Variants in DNAJC10 observed in about 807,000 individuals in gnomAD.
DNAJC10 encodes the protein DnaJ heat shock protein family (Hsp40) member C10, also known as endoplasmic reticulum disulfide reductase DNAJC10.
A neutral mutation model predicts 115.0 loss-of-function variants in DNAJC10; 101 were observed. The observed-to-expected ratio is 0.88, with a 90% CI of 0.75 to 1.04. The LOEUF (loss-of-function observed/expected upper bound fraction) is 1.04. DNAJC10 is among the 50% of genes least tolerant of loss of function. DNAJC10 has a pLI of 0.00. For missense variants in DNAJC10, 981 were observed against 928.8 expected, an observed-to-expected ratio of 1.06 and a Z score of -0.73; for synonymous variants, 307 against 301.5, an observed-to-expected ratio of 1.02 and a Z score of -0.19.
At chr2:182,724,120 A>G (rs765108089) in intron 5 of DNAJC10, among the ~76,000 whole-genome samples, 3 of 152,236 alleles carry the variant, frequency 2.0e-5, no homozygotes, top group Non-Finnish European at 4.4e-5. Flanking sequence ...CTGAAAGAAT[A>G]AAATAAGAGA....
rs1021628012 is a variant in DNAJC10, at chr2:182,782,096, C to CT, written c.*4967dup. The CT allele has an allele frequency of 2.0e-5, 3 of 152,130 alleles. No homozygotes were observed. Among genetic ancestry groups the CT allele is most frequent in the African/African-American group, 7.2e-5 (3 of 41,430 alleles). The allele number at this position is 152,130 out of a possible 1,614,324, so 9.4% of individuals were successfully genotyped here. ...ATGGTTTCAGACCTTACATTTAAGTCTTTAATCTATCAACTTAATTTTTAT... is the reference window on the plus strand; with the variant it reads ...ATGGTTTCAGACCTTACATTTAAGTCTTTTAATCTATCAACTTAATTTTTAT... On this transcript the variant is annotated 3_prime_UTR_variant, in exon 24 of 24. Transcript: ENST00000264065.
rs368091239 is a variant in DNAJC10 at position 182,752,022 on chromosome 2, G to T, written c.1435-50G>T. 9.5e-5 allele frequency: 139 copies of T among 1,455,670 alleles called. No individual in the cohort carries two copies. In the African/African-American group the frequency reaches 1.7e-3, roughly 18 times the overall value. 90.2% of individuals were successfully genotyped at this position (1,455,670 alleles called of 1,614,324 possible). On this transcript the variant is annotated intron_variant, in intron 15 of 23. Transcript: ENST00000264065. ...TACTTGTTGCAGAAATGATGGGGGGGTTTTTTGTGTCATTTGGCTCGGTGC... is the reference window on the plus strand; with the variant it reads ...TACTTGTTGCAGAAATGATGGGGGGTTTTTTTGTGTCATTTGGCTCGGTGC...
At chr2:182,743,099 A>G (rs1042679852) in intron 13 of DNAJC10, among the ~76,000 whole-genome samples, 1 of 152,078 alleles carries the variant, frequency 6.6e-6, no homozygotes, top group African/African-American at 2.4e-5. Flanking sequence ...CAGCTACCTC[A>G]GCCTCCCCAA....
chr2:182,761,594 G>T (rs1694286340), intron 21 of DNAJC10, among the ~76,000 whole-genome samples: 1 of 152,090 alleles, frequency 6.6e-6, no homozygotes, highest in Non-Finnish European at 1.5e-5. Flanking sequence ...GAATAAATAG[G>T]ATTGAATGTG....
Position 182,741,261 on chromosome 2 carries a change from C to T in DNAJC10, c.1096C>T (p.Arg366Trp), listed in dbSNP as rs758085550. Residue 366 changes from arginine (R) to tryptophan (W), a missense_variant, in exon 13 of 24, where the codon CGG becomes TGG. Arg to Trp is a moderately radical substitution (Grantham distance 101, BLOSUM62 -3). Coordinates refer to ENST00000264065, the MANE Select transcript of DNAJC10 (RefSeq NM_018981.4). ...TTTTAAGGATCGTTTGGCTCATCAT[C>T]GGTGGCTGTTATTTTTTCATTTTGG... ...NTLEDRLAHH[R>W]WLLFFHFGKN... The T allele has an allele frequency of 7.5e-6, 12 of 1,601,234 alleles. No individual in the cohort carries two copies. The highest frequency in any genetic ancestry group is 6.8e-5 in the East Asian group (3 of 44,088).
chr2:182,733,688 A>ATTTT (rs10642468), intron 10 of DNAJC10, among the ~76,000 whole-genome samples: 1,368 of 133,978 alleles, frequency 0.01, 55 homozygotes, highest in African/African-American at 0.022. Context: ...TTCTTTCTCA[A>ATTTT]TTTTTTTTTT....
At position 182,740,373 on chromosome 2, in the gene DNAJC10, G is replaced by T; in HGVS notation, c.1062G>T (p.Ser354=). The T allele has an allele frequency of 6.4e-7, 1 of 1,571,702 alleles. No individual in the cohort carries two copies. The highest frequency in any genetic ancestry group is 1.3e-5 in the South Asian group (1 of 79,818). The part of the protein sequence containing the change: ...IHNLPDFELL[S]ANTLEDRLAH... The stretch of plus-strand genomic sequence containing the variant: ...ATCTTCCAGATTTTGAACTACTTTC[G>T]GCAAACACACTAGAGGTAATGTTTT... The change falls in exon 12 of 24, where the codon TCG becomes TCT. Residue 354 remains serine, a synonymous_variant. Transcript: ENST00000264065.
intron 5 of DNAJC10, among the ~76,000 whole-genome samples, chr2:182,728,364 T>A (rs1367512398): frequency 6.6e-6 from 1 of 152,178 alleles, no homozygotes; most frequent in East Asian, 1.9e-4. Context: ...GGTTTGACAT[T>A]TGAAATGTTT....
rs1249249920 is a variant in DNAJC10 at position 182,751,909 on chromosome 2, A to G, written c.1434+124A>G. On this transcript the variant is annotated intron_variant, in intron 15 of 23. Coordinates refer to ENST00000264065, the MANE Select transcript of DNAJC10 (RefSeq NM_018981.4). ...ACTGTGTCATTCCATTATGGCCACT[A>G]ATGCATATTGCTTTTAAATGAGTGC... 1.6e-5 allele frequency: 21 copies of G among 1,305,050 alleles called. 1 individual carries two copies. Among genetic ancestry groups the G allele is most frequent in the Non-Finnish European group, 2.1e-5 (20 of 935,958 alleles). The allele number at this position is 1,305,050 out of a possible 1,614,324, so 80.8% of individuals were successfully genotyped here.
chr2:182,732,042 T>G (rs1693460501), intron 9 of DNAJC10, among the ~76,000 whole-genome samples: 1 of 152,128 alleles, frequency 6.6e-6, no homozygotes. Context: ...TCTCATTGTA[T>G]TCTAGTGTTC....
At chr2:182,740,100 A>G in intron 11 of DNAJC10, 199 bp from the exon 12 acceptor site, 1 of 1,081,500 alleles carries the variant, frequency 9.2e-7, no homozygotes, top group East Asian at 5.0e-5. Context: ...TATTTAAGAA[A>G]CAGCTTAGTT....
chr2:182,737,259 C>T (rs1300909707), intron 11 of DNAJC10, among the ~76,000 whole-genome samples: 5 of 152,124 alleles, frequency 3.3e-5, no homozygotes, highest in Non-Finnish European at 5.9e-5. Context: ...TTGGATGGGT[C>T]ACTACGGAAT....
chr2:182,751,387 G>A (rs1031572695), intron 14 of DNAJC10, among the ~76,000 whole-genome samples: 14 of 151,896 alleles, frequency 9.2e-5, no homozygotes, highest in African/African-American at 3.1e-4. Flanking sequence ...GCCCACCTCG[G>A]CCTCTCAAAG....
At position 182,728,972 on chromosome 2, in the gene DNAJC10, T is replaced by A. The variant is rs1191402715; in HGVS notation, c.611T>A (p.Leu204His). The change falls in exon 7 of 24, where the codon CTC (leucine) becomes CAC (histidine). Residue 204 changes from leucine (L) to histidine (H), a missense_variant. Physicochemically the swap from Leu to His is moderately conservative, Grantham distance 99. Coordinates refer to ENST00000264065, the MANE Select transcript of DNAJC10 (RefSeq NM_018981.4). ...AAAGGAGTCAACAGCTATCCCAGCCTCTTCATTTTTCGGTCTGGAATGGTA... is the reference window on the plus strand; with the variant it reads ...AAAGGAGTCAACAGCTATCCCAGCCACTTCATTTTTCGGTCTGGAATGGTA... ...RMKGVNSYPSLFIFRSGMAPV... is the reference protein window; with the variant it reads ...RMKGVNSYPSHFIFRSGMAPV... 3 of 1,613,952 alleles carry A rather than the reference T, an allele frequency of 1.9e-6. No individual in the cohort carries two copies. In the African/African-American group the frequency reaches 4.0e-5, roughly 22 times the overall value.
intron 16 of DNAJC10, 45 bp downstream of exon 16, chr2:182,752,233 G>C: frequency 9.3e-7 from 1 of 1,078,086 alleles, no homozygotes; most frequent in South Asian, 2.0e-5. Flanking sequence ...TTTATAAAAT[G>C]AAGACCTTTT....
chr2:182,743,690 CA>C lies in DNAJC10; in HGVS notation c.1287del (p.Glu430AsnfsTer22). Reference sequence around the variant, plus strand: ...TAGCAGTATTTAAAGGACAAGGAACCAAAGAATATGAAATTCATCATGGTAA... The same window carrying C: ...TAGCAGTATTTAAAGGACAAGGAACCAAGAATATGAAATTCATCATGGTAA... Reference protein sequence around the residue: ...SLAVFKGQGTKEYEIHHGKKI... With the variant: ...SLAVFKGQGTXEYEIHHGKKI... On this transcript the variant is annotated frameshift_variant, in exon 14 of 24. Coordinates refer to ENST00000264065, the MANE Select transcript of DNAJC10 (RefSeq NM_018981.4). LOFTEE classifies it high-confidence loss of function. The C allele has an allele frequency of 6.2e-7, 1 of 1,604,148 alleles. No individual in the cohort carries two copies. The highest frequency in any genetic ancestry group is 1.3e-5 in the African/African-American group (1 of 74,406).
rs193097194 is a variant in DNAJC10 at position 182,772,914 on chromosome 2, G to A, written c.2266-2402G>A. ...TAGCTGGTTATTTTGCCTGTTAATTGATGTAGTTTCTTCATAGCATCAATG... is the reference window on the plus strand; with the variant it reads ...TAGCTGGTTATTTTGCCTGTTAATTAATGTAGTTTCTTCATAGCATCAATG... On this transcript the variant is annotated intron_variant, in intron 22 of 23. Coordinates refer to ENST00000264065, the MANE Select transcript of DNAJC10 (RefSeq NM_018981.4). Among the ~76,000 whole-genome samples, 331 of 152,298 alleles carry A rather than the reference G, an allele frequency of 2.2e-3. 1 individual carries two copies. The highest frequency in any genetic ancestry group is 4.5e-3 in the Admixed American group (69 of 15,298).
chr2:182,777,841 T>C lies in DNAJC10; in HGVS notation c.*709T>C, dbSNP rs896400812. The stretch of plus-strand genomic sequence containing the variant: ...AGCCGAGAAACAGTGCAGCAGTATA[T>C]GTGCACACAGTAAGTACACAAATTT... On this transcript the variant is annotated 3_prime_UTR_variant, in exon 24 of 24. Transcript: ENST00000264065. The C allele has an allele frequency of 6.6e-6, 1 of 152,176 alleles. No homozygotes were observed. The highest frequency in any genetic ancestry group is 1.5e-5 in the Non-Finnish European group (1 of 68,018). 9.4% of individuals were successfully genotyped at this position (152,176 alleles called of 1,614,324 possible).
At chr2:182,721,111 A>G (rs984282600) in intron 4 of DNAJC10, among the ~76,000 whole-genome samples, 2 of 152,168 alleles carry the variant, frequency 1.3e-5, no homozygotes. Flanking sequence ...TCAGAGACCC[A>G]GTGTTTCTCC....
Sources: gnomAD v4.1 joint callset for allele counts (sites outside exome capture counted in the v4.1 genomes callset) on GRCh38, gnomAD v4.1.1 for gene constraint, MANE v1.5 for transcripts, NCBI Gene and HGNC (gene_info 2026-07-23, HGNC 2026-07-21) for gene names.